The following DSTYK variants were observed in gnomAD, a reference collection of about 807,000 sequenced individuals.
The protein encoded by DSTYK is RIP-homologous kinase.
DSTYK carries 34 observed loss-of-function variants against 98.7 expected under a neutral mutation model. The ratio of observed to expected loss-of-function variants is 0.34; its 90% CI spans 0.26 to 0.46. DSTYK has a LOEUF of 0.46. DSTYK is among the 20% of genes least tolerant of loss of function. The probability of loss-of-function intolerance (pLI) is 1.00; values close to 1 mark genes in which losing one functional copy is unlikely to be tolerated. For synonymous variants in DSTYK, 462 were observed against 457.3 expected, an observed-to-expected ratio of 1.01 and a Z score of -0.13; for missense variants, 962 against 1,181.7, an observed-to-expected ratio of 0.81 and a Z score of 2.73.
intron 3 of DSTYK, among the ~76,000 whole-genome samples, chr1:205,167,968 C>T (rs189033638): frequency 2.4e-4 from 37 of 152,120 alleles, no homozygotes; most frequent in Admixed American, 1.8e-3. Flanking sequence ...TAGCCGGGAA[C>T]GGTGGCACAC....
chr1:205,171,770 A>G (rs1023711357), intron 2 of DSTYK, among the ~76,000 whole-genome samples: 4 of 152,178 alleles, frequency 2.6e-5, no homozygotes, highest in African/African-American at 9.7e-5. Context: ...CTCAGAATCA[A>G]TCCTCCATAG....
At chr1:205,191,996 C>T (rs1406832628) in intron 1 of DSTYK, among the ~76,000 whole-genome samples, 1 of 151,986 alleles carries the variant, frequency 6.6e-6, no homozygotes, top group East Asian at 1.9e-4. Context: ...CAAACCAAGG[C>T]TTCTGTTGTT....
At chr1:205,190,622 A>C (rs1658682284) in intron 1 of DSTYK, among the ~76,000 whole-genome samples, 1 of 150,868 alleles carries the variant, frequency 6.6e-6, no homozygotes, top group South Asian at 2.1e-4. Context: ...TCTCAAAAAA[A>C]AAAAAAAAAA....
chr1:205,159,095 T>A (rs945143164), intron 9 of DSTYK, among the ~76,000 whole-genome samples: 23 of 152,106 alleles, frequency 1.5e-4, no homozygotes, highest in Non-Finnish European at 2.2e-4. Context: ...AAATTTTTTT[T>A]TTTTATTTTT....
At chr1:205,180,957 G>C (rs1449002478) in intron 2 of DSTYK, among the ~76,000 whole-genome samples, 1 of 152,180 alleles carries the variant, frequency 6.6e-6, no homozygotes, top group Admixed American at 6.5e-5. Context: ...CTAGGGTAAA[G>C]GTGAGAGAGA....
chr1:205,172,930 C>T (rs1176089516), intron 2 of DSTYK: 1 of 152,104 alleles, frequency 6.6e-6, no homozygotes, highest in Non-Finnish European at 1.5e-5. Context: ...AAACAAACCC[C>T]CTTTCACTAC....
chr1:205,201,723 C>T (rs1261516618), intron 1 of DSTYK, among the ~76,000 whole-genome samples: 2 of 152,150 alleles, frequency 1.3e-5, no homozygotes, highest in African/African-American at 4.8e-5. Context: ...TAGGGGTACA[C>T]AATCTTGTCA....
intron 2 of DSTYK, among the ~76,000 whole-genome samples, chr1:205,184,184 G>A (rs10900462): frequency 0.49 from 73,657 of 151,664 alleles, 21,060 homozygotes; most frequent in Non-Finnish European, 0.63. Flanking sequence ...GCTCAGATAC[G>A]CGCTTGGGGG....
chr1:205,163,441 A>G (rs1174126157), intron 4 of DSTYK, among the ~76,000 whole-genome samples: 2 of 151,374 alleles, frequency 1.3e-5, no homozygotes, highest in Non-Finnish European at 2.9e-5. Context: ...CTGGTCTCCA[A>G]CTCCCAACCT....
Position 205,168,105 on chromosome 1 carries a change from C to CA in DSTYK, c.1324+1057dup, listed in dbSNP as rs202054290. On this transcript the variant is annotated intron_variant, in intron 3 of 12. Coordinates refer to ENST00000367162, the MANE Select transcript of DSTYK (RefSeq NM_015375.3). Reference sequence around the variant, plus strand: ...TGGGCGACAGAGCGAGACTTAATCTCAAAAAAAAGAAAGATTAATCAGTAC... The same window carrying CA: ...TGGGCGACAGAGCGAGACTTAATCTCAAAAAAAAAGAAAGATTAATCAGTAC... Among the ~76,000 whole-genome samples the CA allele has an allele frequency of 5.3e-4, 80 of 151,744 alleles. 2 individuals carry two copies. In the East Asian group the frequency reaches 0.012, roughly 23 times the overall value.
intron 2 of DSTYK, among the ~76,000 whole-genome samples, chr1:205,182,432 T>C (rs1658435202): frequency 7.0e-6 from 1 of 143,256 alleles, no homozygotes; most frequent in South Asian, 2.2e-4. Context: ...AAAAAACAGA[T>C]TAGCTATTAG....
chr1:205,178,987 A>T (rs1004146948), intron 2 of DSTYK, among the ~76,000 whole-genome samples: 1 of 152,056 alleles, frequency 6.6e-6, no homozygotes, highest in African/African-American at 2.4e-5. Context: ...AATATTAGCC[A>T]GGCATAGTAG....
intron 3 of DSTYK, among the ~76,000 whole-genome samples, chr1:205,164,765 T>G (rs1657839676): frequency 6.6e-6 from 1 of 152,150 alleles, no homozygotes; most frequent in Non-Finnish European, 1.5e-5. Context: ...CCGGCAATTT[T>G]GTTAGCTTTT....
chr1:205,193,655 G>C (rs1658777099), intron 1 of DSTYK, among the ~76,000 whole-genome samples: 1 of 152,124 alleles, frequency 6.6e-6, no homozygotes, highest in African/African-American at 2.4e-5. Context: ...TGGATCACTT[G>C]AGGTCAGGAG....
At chr1:205,172,313 T>C (rs1202681832) in intron 2 of DSTYK, among the ~76,000 whole-genome samples, 1 of 151,488 alleles carries the variant, frequency 6.6e-6, no homozygotes, top group African/African-American at 2.4e-5. Flanking sequence ...TTTTTTTTTT[T>C]TTCTGAGACA....
chr1:205,185,022 G>A (rs189691918), intron 2 of DSTYK, among the ~76,000 whole-genome samples: 4 of 152,114 alleles, frequency 2.6e-5, no homozygotes, highest in East Asian at 1.9e-4. Flanking sequence ...CCAACATGGC[G>A]AAACCCCATC....
Position 205,169,680 on chromosome 1 carries a change from T to G in DSTYK, c.807A>C (p.Arg269=), listed in dbSNP as rs750739906. Reference sequence around the variant, plus strand: ...AGAATACAGGAAAGGAGAAATACTTTCGGATTTCCTGAAGCTCTTGCTCAT... The same window carrying G: ...AGAATACAGGAAAGGAGAAATACTTGCGGATTTCCTGAAGCTCTTGCTCAT... ...ERDEQELQEI[R]KYFSFPVFFF... Residue 269 remains arginine (R), a synonymous_variant, in exon 3 of 13, where the codon CGA becomes CGC. Coordinates refer to ENST00000367162, the MANE Select transcript of DSTYK (RefSeq NM_015375.3). The surrounding 1 kb of genome is among the most constrained non-coding windows in gnomAD (Gnocchi z 4.0). The G allele has an allele frequency of 6.2e-7, 1 of 1,614,236 alleles. No individual in the cohort carries two copies. The highest frequency in any genetic ancestry group is 1.1e-5 in the South Asian group (1 of 91,082).
Position 205,145,655 on chromosome 1 carries a change from AG to A in DSTYK, c.*1902del, listed in dbSNP as rs1162301225. The A allele has an allele frequency of 2.0e-5, 3 of 151,458 alleles. No homozygotes were observed. Among genetic ancestry groups the A allele is most frequent in the African/African-American group, 7.3e-5 (3 of 41,216 alleles). 9.4% of individuals were successfully genotyped at this position (151,458 alleles called of 1,614,324 possible). ...GTGATTCTCCTGCCTCAGCCTCCCA[AG>A]TAGCTGGGATTACTGGTGCGTGCCA... is the stretch of plus-strand genomic sequence containing the variant. On this transcript the variant is annotated 3_prime_UTR_variant, in exon 13 of 13. Coordinates refer to ENST00000367162, the MANE Select transcript of DSTYK (RefSeq NM_015375.3).
chr1:205,175,253 C>T (rs542509607), intron 2 of DSTYK, among the ~76,000 whole-genome samples: 7 of 151,830 alleles, frequency 4.6e-5, no homozygotes, highest in Admixed American at 1.3e-4. Context: ...GGCGCACGCC[C>T]GGCAATTTTT....
Sources: allele counts gnomAD v4.1 joint callset (sites outside exome capture counted in the v4.1 genomes callset), GRCh38; gene constraint gnomAD v4.1.1; non-coding constraint Gnocchi (gnomAD v3.1); transcripts MANE v1.5; gene names NCBI Gene and HGNC (gene_info 2026-07-23, HGNC 2026-07-21).